The following FKBP5 variants were observed in gnomAD, a reference collection of about 807,000 sequenced individuals.
FKBP5 encodes FKBP prolyl isomerase 5.
Under a neutral mutation model 50.5 loss-of-function variants are expected in FKBP5, and 23 were observed. The ratio of observed to expected loss-of-function variants is 0.46; its 90% CI spans 0.33 to 0.65. The LOEUF (loss-of-function observed/expected upper bound fraction) is 0.65, where lower values mean the gene tolerates loss of function less well. Ranked by LOEUF, FKBP5 falls within the 30% of genes least tolerant of loss-of-function variation. The pLI, the probability that FKBP5 is intolerant of heterozygous loss-of-function variation, is 0.02. For missense variants in FKBP5, 411 were observed against 553.1 expected (o/e 0.74, Z 2.58); for synonymous variants, 176 against 190.6 (o/e 0.92, Z 0.63).
intron 8 of FKBP5, chr6:35,581,776 C>A (rs577837320): frequency 3.0e-6 from 3 of 985,460 alleles, no homozygotes; most frequent in East Asian, 2.3e-4. Flanking sequence ...ATACATCCTG[C>A]CAGATGGCAG....
intron 1 of FKBP5, among the ~76,000 whole-genome samples, chr6:35,726,174 G>A (rs1436811916): frequency 6.6e-6 from 1 of 152,246 alleles, no homozygotes; most frequent in African/African-American, 2.4e-5. Context: ...ACAGATGACG[G>A]TGAGGAAGTG....
intron 1 of FKBP5, among the ~76,000 whole-genome samples, chr6:35,684,449 A>G (rs1177970454): frequency 6.6e-6 from 1 of 152,126 alleles, no homozygotes; most frequent in Admixed American, 6.5e-5. Context: ...AAGTGCTGGC[A>G]TTACAGGCGT....
chr6:35,675,036 C>T (rs928741363), intron 1 of FKBP5, among the ~76,000 whole-genome samples: 3 of 152,252 alleles, frequency 2.0e-5, no homozygotes, highest in African/African-American at 7.2e-5. Flanking sequence ...AATGAAACTA[C>T]ACTAGTATTT....
chr6:35,671,327 T>C (rs963257189), intron 1 of FKBP5, among the ~76,000 whole-genome samples: 3 of 151,384 alleles, frequency 2.0e-5, no homozygotes, highest in South Asian at 2.1e-4. Flanking sequence ...CAATCCAAAC[T>C]GACAAATCTA....
At chr6:35,628,340 G>A (rs140531050) in intron 3 of FKBP5, among the ~76,000 whole-genome samples, 1 of 152,098 alleles carries the variant, frequency 6.6e-6, no homozygotes, top group East Asian at 1.9e-4. Context: ...ACACACTATA[G>A]GATGAAAGCT....
intron 5 of FKBP5, among the ~76,000 whole-genome samples, chr6:35,603,176 AG>A (rs1763200381): frequency 6.6e-6 from 1 of 152,312 alleles, no homozygotes; most frequent in Admixed American, 6.5e-5. Context: ...TTCATATGTC[AG>A]GGTGTCTATC....
rs80256908 is a variant in FKBP5 at position 35,620,004 on chromosome 6, C to T, written c.393+128G>A. 1.6e-3 allele frequency: 1,899 copies of T among 1,159,124 alleles called. 24 individuals carry two copies. In the African/African-American group the frequency reaches 0.024, roughly 15 times the overall value. The allele number at this position is 1,159,124 out of a possible 1,614,324, so 71.8% of individuals were successfully genotyped here. A position where few individuals can be genotyped will look rare whatever the true frequency, so the allele number is the denominator to read the frequency against. On this transcript the variant is annotated intron_variant, in intron 4 of 10. Transcript: ENST00000357266. ...GTGGGAAACAATTCAAGAAGCCATG[C>T]TCCAAAATAAGTAAGTTGGATCTGA...
chr6:35,705,213 AATATAT>A (rs869253345), intron 2 of FKBP5, among the ~76,000 whole-genome samples: 1,230 of 71,004 alleles, frequency 0.017, 11 homozygotes, highest in Non-Finnish European at 0.024. Flanking sequence ...TATATGTACA[AATATAT>A]ATATATATAT....
chr6:35,704,628 T>C (rs939545518), intron 2 of FKBP5, among the ~76,000 whole-genome samples: 3 of 152,118 alleles, frequency 2.0e-5, no homozygotes, highest in Non-Finnish European at 4.4e-5. Context: ...ATATCACATA[T>C]AGGCCTTTGT....
intron 1 of FKBP5, among the ~76,000 whole-genome samples, chr6:35,654,840 C>A (rs1764906352): frequency 6.6e-6 from 1 of 152,140 alleles, no homozygotes; most frequent in Admixed American, 6.6e-5. Flanking sequence ...AGCTCTGTAC[C>A]AAGACAAGAG....
intron 2 of FKBP5, among the ~76,000 whole-genome samples, chr6:35,719,912 G>A (rs1020853747): frequency 6.6e-6 from 1 of 152,190 alleles, no homozygotes; most frequent in African/African-American, 2.4e-5. Context: ...TGAGGGGTGG[G>A]GGTTGTCCCT....
At chr6:35,637,207 A>C (rs1397754071) in intron 2 of FKBP5, 49 bp from the exon 3 acceptor site, 1 of 1,553,170 alleles carries the variant, frequency 6.4e-7, no homozygotes, top group Admixed American at 1.9e-5. Flanking sequence ...TTTTACTTGT[A>C]ATCAGAGAAT....
chr6:35,701,903 A>G (rs1451174302), intron 2 of FKBP5, among the ~76,000 whole-genome samples: 1 of 150,198 alleles, frequency 6.7e-6, no homozygotes, highest in Non-Finnish European at 1.5e-5. Context: ...GCTGGAGTGC[A>G]ATGGCATGAT....
At chr6:35,622,027 G>A (rs1763860396) in intron 3 of FKBP5, among the ~76,000 whole-genome samples, 1 of 152,100 alleles carries the variant, frequency 6.6e-6, no homozygotes, top group African/African-American at 2.4e-5. Context: ...AGTAGGATCA[G>A]ATAAGAGATG....
chr6:35,680,057 T>G (rs1379644917), intron 1 of FKBP5, among the ~76,000 whole-genome samples: 1 of 152,062 alleles, frequency 6.6e-6, no homozygotes, highest in Non-Finnish European at 1.5e-5. Flanking sequence ...GCCCTCCAGT[T>G]ACTTCAAACA....
At chr6:35,579,318 T>C (rs995278499) in intron 9 of FKBP5, among the ~76,000 whole-genome samples, 1 of 152,212 alleles carries the variant, frequency 6.6e-6, no homozygotes, top group Non-Finnish European at 1.5e-5. Flanking sequence ...GTTGCCTTGC[T>C]TTTCTTATCC....
In FKBP5 at chr6:35,587,057, C is replaced by G; in HGVS notation, c.817G>C (p.Glu273Gln). 1 of 1,614,070 alleles carries G rather than the reference C, an allele frequency of 6.2e-7. No homozygotes were observed. The highest frequency in any genetic ancestry group is 8.5e-7 in the Non-Finnish European group (1 of 1,179,942). ...ACCTTGAAGTATACGGTTCCCTTCT[C>G]TTTGACAATGGCAGCCTGCTCCAAT... ...EKLEQAAIVK[E>Q]KGTVYFKGGK... The change falls in exon 8 of 11, where the codon GAG becomes CAG. Residue 273 changes from glutamate (E) to glutamine (Q), a missense_variant. By Grantham distance (29) the Glu-to-Gln change is conservative. This residue lies in a region of FKBP5 where 267 missense variants were observed against 405.9 expected (regional missense o/e 0.66). Coordinates refer to ENST00000357266, the MANE Select transcript of FKBP5 (RefSeq NM_004117.4).
chr6:35,626,123 G>A (rs1763992585), intron 3 of FKBP5, among the ~76,000 whole-genome samples: 1 of 152,112 alleles, frequency 6.6e-6, no homozygotes. Flanking sequence ...AGTTTTACTA[G>A]CTTATACACA....
chr6:35,618,012 G>A (rs1337583416), intron 5 of FKBP5, among the ~76,000 whole-genome samples: 1 of 152,166 alleles, frequency 6.6e-6, no homozygotes, highest in East Asian at 1.9e-4. Flanking sequence ...TCTAAATGAT[G>A]AACTATTTTT....
Sources: gnomAD v4.1 joint callset for allele counts (sites outside exome capture counted in the v4.1 genomes callset) on GRCh38, gnomAD v4.1.1 for gene constraint, gnomAD v4.1.1 regional missense constraint, MANE v1.5 for transcripts, NCBI Gene and HGNC (gene_info 2026-07-23, HGNC 2026-07-21) for gene names.